ZNF570: variants seen among roughly 807,000 people sequenced by gnomAD.
The protein encoded by ZNF570 is zinc finger protein 570.
A neutral mutation model predicts 14.2 loss-of-function variants in ZNF570; 8 were observed. That is an observed-to-expected ratio of 0.56 (90% CI 0.33 to 1.02). The LOEUF (loss-of-function observed/expected upper bound fraction) is 1.02, where lower values mean the gene tolerates loss of function less well. ZNF570 is among the 50% of genes least tolerant of loss of function. The pLI, the probability that ZNF570 is intolerant of heterozygous loss-of-function variation, is 0.03. For synonymous variants in ZNF570, 202 were observed against 207.6 expected (o/e 0.97, Z 0.23); for missense variants, 559 against 624.9 (o/e 0.89, Z 1.12).
chr19:37,472,748 A>AG (rs981435302), intron 2 of ZNF570, among the ~76,000 whole-genome samples: 12 of 151,800 alleles, frequency 7.9e-5, no homozygotes, highest in African/African-American at 2.9e-4. Context: ...GTCTCAAAAA[A>AG]AAAAAAAAAA....
Position 37,487,105 on chromosome 19 carries a change from G to C in ZNF570, c.*1872G>C, listed in dbSNP as rs2042162834. 6.6e-6 allele frequency: 1 copy of C among 150,380 alleles called. No homozygotes were observed. The highest frequency in any genetic ancestry group is 6.7e-5 in the Admixed American group (1 of 14,870). The allele number at this position is 150,380 out of a possible 1,614,324, so 9.3% of individuals were successfully genotyped here. The stretch of plus-strand genomic sequence containing the variant: ...TAATCCCAGCTACTCAGGAGGCTGA[G>C]GCAAGAGAATTGCTTGAACCCAGGA... On this transcript the variant is annotated 3_prime_UTR_variant, in exon 5 of 5. Transcript: ENST00000330173.
At chr19:37,476,527 C>A in intron 4 of ZNF570, 93 bp downstream of exon 4, 1 of 1,413,956 alleles carries the variant, frequency 7.1e-7, no homozygotes, top group Non-Finnish European at 9.3e-7. Flanking sequence ...CTTCCAAATT[C>A]TTCTCAAATG....
chr19:37,468,105 G>A (rs2146994038), upstream of ZNF570: 1 of 643,266 alleles, frequency 1.6e-6, no homozygotes, highest in East Asian at 2.8e-5. Flanking sequence ...TTTTTTTTGA[G>A]GCAGAGCCTC....
chr19:37,484,957 T>C lies in ZNF570; in HGVS notation c.1335T>C (p.Ile445=). Residue 445 remains isoleucine (I), a synonymous_variant, in exon 5 of 5, where the codon ATT becomes ATC. Transcript: ENST00000330173. ...VHTGEKPYEC[I]ECGKAFSNDS... ...CTGGAGAGAAACCCTATGAATGTAT[T>C]GAATGTGGGAAGGCTTTTAGCAATG... 6.2e-7 allele frequency: 1 copy of C among 1,613,812 alleles called. No individual in the cohort carries two copies. Among genetic ancestry groups the C allele is most frequent in the Middle Eastern group, 1.7e-4 (1 of 6,060 alleles).
chr19:37,476,470 G>A lies in ZNF570; in HGVS notation c.256+36G>A, dbSNP rs181281843. On this transcript the variant is annotated intron_variant, in intron 4 of 4. Transcript: ENST00000330173. ...AGGAAATTGGCAAAAATCTTTGCAC[G>A]TGACAGCTCAGCTTGACTCAAAGGT... 148 of 1,599,434 alleles carry A rather than the reference G, an allele frequency of 9.3e-5. No homozygotes were observed. The East Asian group carries it at 2.0e-3, about 22-fold the overall frequency.
chr19:37,476,047 A>G (rs754565960), intron 3 of ZNF570, 40 bp downstream of exon 3: 1 of 1,568,632 alleles, frequency 6.4e-7, no homozygotes, highest in Non-Finnish European at 8.6e-7. Flanking sequence ...TCTGCTCAAA[A>G]GGGGCTCTTT....
chr19:37,468,796 G>T (rs879528859), upstream of ZNF570, among the ~76,000 whole-genome samples: 3 of 152,218 alleles, frequency 2.0e-5, no homozygotes, highest in Non-Finnish European at 4.4e-5. Context: ...GTGAGCCACC[G>T]TGCCAGGCTG....
chr19:37,483,761 C>A, intron 4 of ZNF570, 118 bp from the exon 5 acceptor site: 1 of 1,080,290 alleles, frequency 9.3e-7, no homozygotes, highest in Non-Finnish European at 1.3e-6. Flanking sequence ...CTGCAAAAGC[C>A]AATGTTCCTG....
chr19:37,469,471 C>T lies in ZNF570; in HGVS notation c.-138C>T. ...AAGGAGATCTTCCACCAGTTCTGTT[C>T]TGCAGGTCGGGAGTGGGCTGAGGAG... On this transcript the variant is annotated 5_prime_UTR_variant, in exon 1 of 5. Transcript: ENST00000330173. 1.3e-6 allele frequency: 2 copies of T among 1,536,352 alleles called. No individual in the cohort carries two copies. Among genetic ancestry groups the T allele is most frequent in the Middle Eastern group, 1.7e-4 (1 of 5,990 alleles).
At chr19:37,474,223 A>G (rs1002990214) in intron 2 of ZNF570, among the ~76,000 whole-genome samples, 1 of 152,228 alleles carries the variant, frequency 6.6e-6, no homozygotes, top group African/African-American at 2.4e-5. Flanking sequence ...TTAAGCTCCT[A>G]TGTTGACATA....
chr19:37,485,397 G>A lies in ZNF570; in HGVS notation c.*164G>A, dbSNP rs141310161. On this transcript the variant is annotated 3_prime_UTR_variant, in exon 5 of 5. Transcript: ENST00000330173. ...TCCATTTCCCACAATGCACTCAAAC[G>A]GATCTTTTTTTTCTTTTTTTTTCTT... 1.4e-4 allele frequency: 95 copies of A among 665,586 alleles called. No homozygotes were observed. In the African/African-American group the frequency reaches 1.4e-3, roughly 10 times the overall value. 41.2% of individuals were successfully genotyped at this position (665,586 alleles called of 1,614,324 possible).
rs1461942631 is a variant in ZNF570, at chr19:37,484,287, A to T, written c.665A>T (p.Asp222Val). The T allele has an allele frequency of 1.2e-6, 2 of 1,613,414 alleles. No individual in the cohort carries two copies. Among genetic ancestry groups the T allele is most frequent in the Non-Finnish European group, 1.7e-6 (2 of 1,179,872 alleles). ...GAGAAGAAACTTTTGAAATGTAATG[A>T]CTGTGAAAAAGTCTTCAGCCAGAGT... ...CAEKKLLKCN[D>V]CEKVFSQSSS... The change falls in exon 5 of 5, where the codon GAC (aspartate) becomes GTC (valine). Residue 222 changes from aspartate (D) to valine (V), a missense_variant. Transcript: ENST00000330173.
intron 4 of ZNF570, 96 bp from the exon 5 acceptor site, chr19:37,483,783 A>C: frequency 7.6e-7 from 1 of 1,321,292 alleles, no homozygotes; most frequent in Non-Finnish European, 1.0e-6. Context: ...GGGTTTTGCT[A>C]TTTAATTCAC....
chr19:37,476,327 TC>T lies in ZNF570; in HGVS notation c.161-11del, dbSNP rs750967221. On this transcript the variant is annotated splice_polypyrimidine_tract_variant and intron_variant, in intron 3 of 4. Transcript: ENST00000330173. ...CATGACAAAACTCTACTTTTTTTTTTCGTATTTGCAGGACTTTGCTTTTCCA... is the reference window on the plus strand; with the variant it reads ...CATGACAAAACTCTACTTTTTTTTTTGTATTTGCAGGACTTTGCTTTTCCA... The T allele has an allele frequency of 8.7e-6, 14 of 1,611,342 alleles. No individual in the cohort carries two copies. In the South Asian group the frequency reaches 1.2e-4, roughly 14 times the overall value.
upstream of ZNF570, chr19:37,467,887 G>A: frequency 6.5e-7 from 1 of 1,536,102 alleles, no homozygotes; most frequent in Non-Finnish European, 8.7e-7. Flanking sequence ...TTTTGTCAGA[G>A]ACAATGTGCA....
intron 4 of ZNF570, among the ~76,000 whole-genome samples, chr19:37,478,143 T>C (rs62110437): frequency 0.013 from 1,973 of 152,316 alleles, 32 homozygotes; most frequent in Non-Finnish European, 0.022. Context: ...TTGATTCAAA[T>C]TTTAACTTTT....
chr19:37,469,394 C>T lies in ZNF570; in HGVS notation c.-215C>T. 2 of 1,501,644 alleles carry T rather than the reference C, an allele frequency of 1.3e-6. No individual in the cohort carries two copies. 93.0% of individuals were successfully genotyped at this position (1,501,644 alleles called of 1,614,324 possible). ...CCCGTAAGGGCTGGGTTCCATCCAA[C>T]TAAGGGTAGCGGTGAGACCCGAGTG... On this transcript the variant is annotated 5_prime_UTR_variant, in exon 1 of 5. Transcript: ENST00000330173.
Position 37,470,202 on chromosome 19 carries a change from GA to G in ZNF570, c.-51-100del, listed in dbSNP as rs1306811167. The stretch of plus-strand genomic sequence containing the variant: ...TCCATTATGCTCTCTCTATTGGAGG[GA>G]AGGTTGCAAGAGGAGGAAAGAGAAT... On this transcript the variant is annotated intron_variant, in intron 1 of 4. Transcript: ENST00000330173. 5.9e-6 allele frequency: 6 copies of G among 1,021,188 alleles called. No individual in the cohort carries two copies. The East Asian group carries it at 1.5e-4, about 25-fold the overall frequency. The allele number at this position is 1,021,188 out of a possible 1,614,324, so 63.3% of individuals were successfully genotyped here.
At chr19:37,468,084 T>G (rs1248679817), upstream of ZNF570, 3 of 685,958 alleles carry the variant, frequency 4.4e-6, no homozygotes, top group Non-Finnish European at 7.1e-6. Context: ...TTTTTTTTTT[T>G]GTTTGTTTTG....
Sources: gnomAD v4.1 joint callset for allele counts (sites outside exome capture counted in the v4.1 genomes callset) on GRCh38, gnomAD v4.1.1 for gene constraint, MANE v1.5 for transcripts, NCBI Gene and HGNC (gene_info 2026-07-23, HGNC 2026-07-21) for gene names.